SYN3: variants seen among roughly 807,000 people sequenced by gnomAD.
SYN3 encodes synapsin III.
Under a neutral mutation model 65.8 loss-of-function variants are expected in SYN3, and 35 were observed. That is an observed-to-expected ratio of 0.53 (90% confidence interval 0.41 to 0.70). SYN3 has a LOEUF of 0.70. Ranked by LOEUF, SYN3 falls within the 30% of genes least tolerant of loss-of-function variation. The probability of loss-of-function intolerance (pLI) is 0.00; values close to 1 mark genes in which losing one functional copy is unlikely to be tolerated. For missense variants in SYN3, 680 were observed against 749.0 expected, an observed-to-expected ratio of 0.91 and a Z score of 1.08; for synonymous variants, 270 against 292.9, an observed-to-expected ratio of 0.92 and a Z score of 0.80.
At chr22:32,853,663 C>T (rs1453349940) in intron 6 of SYN3, among the ~76,000 whole-genome samples, 1 of 152,206 alleles carries the variant, frequency 6.6e-6, no homozygotes, top group Non-Finnish European at 1.5e-5. Flanking sequence ...CCAGCTTTAA[C>T]TACTCTTGTT....
chr22:32,640,641 C>T (rs1158937568), intron 6 of SYN3, among the ~76,000 whole-genome samples: 1 of 151,950 alleles, frequency 6.6e-6, no homozygotes, highest in Non-Finnish European at 1.5e-5. Flanking sequence ...CCGAGGTGGG[C>T]GGGTCACAAG....
chr22:32,543,421 C>A (rs116586670), intron 7 of SYN3, among the ~76,000 whole-genome samples: 1 of 152,130 alleles, frequency 6.6e-6, no homozygotes, highest in African/African-American at 2.4e-5. Flanking sequence ...TCTACCACAA[C>A]GGACCTAAAC....
At chr22:32,765,680 G>A (rs1384925189) in intron 6 of SYN3, among the ~76,000 whole-genome samples, 3 of 152,164 alleles carry the variant, frequency 2.0e-5, no homozygotes, top group African/African-American at 7.2e-5. Context: ...GCAGGAGCGG[G>A]AGGCCTGGGA....
chr22:32,831,508 G>A (rs62232919), intron 6 of SYN3, among the ~76,000 whole-genome samples: 1 of 152,178 alleles, frequency 6.6e-6, no homozygotes, highest in Non-Finnish European at 1.5e-5. Flanking sequence ...GTGGGGGTCG[G>A]AGTTGGGGGG....
chr22:32,601,152 CAG>C (rs2059276261), intron 6 of SYN3, among the ~76,000 whole-genome samples: 1 of 152,180 alleles, frequency 6.6e-6, no homozygotes, highest in South Asian at 2.1e-4. Context: ...TTAGAGAACA[CAG>C]AAAGTCAATC....
intron 6 of SYN3, among the ~76,000 whole-genome samples, chr22:32,765,422 G>A (rs1170050834): frequency 2.0e-5 from 3 of 152,272 alleles, no homozygotes; most frequent in Non-Finnish European, 4.4e-5. Context: ...ATTTCCCCCT[G>A]TATGCTGTCA....
chr22:32,991,230 G>C (rs1043046462), intron 2 of SYN3, among the ~76,000 whole-genome samples: 7 of 150,534 alleles, frequency 4.7e-5, no homozygotes, highest in African/African-American at 1.7e-4. Flanking sequence ...GCATACTACC[G>C]GGGAAGCTGA....
intron 7 of SYN3, among the ~76,000 whole-genome samples, chr22:32,548,610 G>GCC (rs2058367766): frequency 6.6e-6 from 1 of 151,388 alleles, no homozygotes; most frequent in Non-Finnish European, 1.5e-5. Flanking sequence ...CTGATCTTGT[G>GCC]ATCCGCCCGC....
At chr22:32,665,602 G>T (rs2060279352) in intron 6 of SYN3, among the ~76,000 whole-genome samples, 1 of 151,700 alleles carries the variant, frequency 6.6e-6, no homozygotes. Flanking sequence ...CGAATTTTTA[G>T]CAGCAGAATT....
intron 7 of SYN3, among the ~76,000 whole-genome samples, chr22:32,586,030 G>A (rs13055672): frequency 9.8e-6 from 1 of 101,848 alleles, no homozygotes; most frequent in African/African-American, 6.4e-5. Context: ...ATGTATGTAT[G>A]TATATATGTA....
At position 32,838,258 on chromosome 22, in the gene SYN3, G is replaced by A. The variant is rs60028774; in HGVS notation, c.711+26657C>T. On this transcript the variant is annotated intron_variant, in intron 6 of 13. Transcript: ENST00000358763. ...TTTCAAGTGGACTTGAGGAGAAGGAGGGGGGGTGGCAAAATAAAACAAACA... is the reference window on the plus strand; with the variant it reads ...TTTCAAGTGGACTTGAGGAGAAGGAAGGGGGGTGGCAAAATAAAACAAACA... 8.7e-3 allele frequency among the ~76,000 whole-genome samples: 1,300 copies of A among 149,458 alleles called. 21 individuals carry two copies. The highest frequency in any genetic ancestry group is 0.032 in the African/African-American group (1,229 of 38,876).
chr22:33,052,988 C>T (rs993316140), intron 1 of SYN3, among the ~76,000 whole-genome samples: 2 of 152,218 alleles, frequency 1.3e-5, no homozygotes, highest in Non-Finnish European at 2.9e-5. Context: ...AACCACTGAT[C>T]AACTCAGAAA....
At chr22:32,838,119 G>T (rs925648897) in intron 6 of SYN3, among the ~76,000 whole-genome samples, 2 of 152,170 alleles carry the variant, frequency 1.3e-5, no homozygotes, top group African/African-American at 4.8e-5. Context: ...GCTTCTTAAA[G>T]GTAGGAACCT....
At chr22:32,877,887 T>C (rs368653840) in intron 4 of SYN3, among the ~76,000 whole-genome samples, 9 of 152,210 alleles carry the variant, frequency 5.9e-5, no homozygotes, top group African/African-American at 2.2e-4. Context: ...CTTGTCCTCA[T>C]AGGCAATAAT....
intron 7 of SYN3, among the ~76,000 whole-genome samples, chr22:32,556,567 G>A (rs567839882): frequency 7.6e-4 from 115 of 152,226 alleles, no homozygotes; most frequent in Non-Finnish European, 1.2e-3. Flanking sequence ...AGTCTGTGGC[G>A]CTCCAGGACT....
At chr22:32,614,897 T>C (rs954043487) in intron 6 of SYN3, among the ~76,000 whole-genome samples, 11 of 151,294 alleles carry the variant, frequency 7.3e-5, no homozygotes, top group African/African-American at 2.2e-4. Context: ...ATGAAGCACA[T>C]ACTGTGCTGG....
chr22:32,967,435 T>C (rs756550), intron 3 of SYN3, among the ~76,000 whole-genome samples: 16,225 of 152,200 alleles, frequency 0.11, 1,463 homozygotes, highest in East Asian at 0.44. Flanking sequence ...GACTAGAAAA[T>C]GCGCCCAGAC....
intron 4 of SYN3, among the ~76,000 whole-genome samples, chr22:32,930,613 T>C (rs1042641697): frequency 6.6e-6 from 1 of 152,278 alleles, no homozygotes; most frequent in East Asian, 1.9e-4. Flanking sequence ...CATTCTACCA[T>C]TGGACCAGGC....
chr22:32,967,407 C>T (rs530238079), intron 3 of SYN3, among the ~76,000 whole-genome samples: 7 of 152,206 alleles, frequency 4.6e-5, no homozygotes, highest in Non-Finnish European at 7.3e-5. Flanking sequence ...CTATCAGCCT[C>T]CCAGCTCCTT....
Sources: allele counts gnomAD v4.1 joint callset (sites outside exome capture counted in the v4.1 genomes callset), GRCh38; gene constraint gnomAD v4.1.1; transcripts MANE v1.5; gene names NCBI Gene and HGNC (gene_info 2026-07-23, HGNC 2026-07-21).